Variants in PAPPA observed in about 807,000 individuals in gnomAD.
PAPPA encodes pappalysin 1, also known as pappalysin-1.
A neutral mutation model predicts 164.0 loss-of-function variants in PAPPA; 60 were observed. The observed-to-expected ratio is 0.37, with a 90% confidence interval of 0.30 to 0.45. PAPPA has a LOEUF of 0.45. Among genes scored for constraint, PAPPA ranks in the 20% least tolerant of loss-of-function variants. PAPPA has a pLI of 1.00. For synonymous variants in PAPPA, 875 were observed against 814.1 expected, an observed-to-expected ratio of 1.07 and a Z score of -1.27; for missense variants, 1,782 against 2,087.3, an observed-to-expected ratio of 0.85 and a Z score of 2.85.
intron 10 of PAPPA, among the ~76,000 whole-genome samples, chr9:116,310,734 G>A (rs1845706653): frequency 6.6e-6 from 1 of 152,060 alleles, no homozygotes; most frequent in Non-Finnish European, 1.5e-5. Context: ...CTAGGATTTG[G>A]ACTGAAAAAC....
Position 116,163,829 on chromosome 9 carries a change from G to A in PAPPA, c.415+9242G>A, listed in dbSNP as rs79645806. 4.9e-3 allele frequency among the ~76,000 whole-genome samples: 744 copies of A among 152,178 alleles called. 15 individuals are homozygous for A. The highest frequency in any genetic ancestry group is 7.7e-3 in the East Asian group (40 of 5,162). ...AACTTGGAATGTTACTGCTCCATTG[G>A]TGGATACTCTTTTAGGACTTCCCAG... On this transcript the variant is annotated intron_variant, in intron 1 of 21. Coordinates refer to ENST00000328252, the MANE Select transcript of PAPPA (RefSeq NM_002581.5).
rs538435798 is a variant in PAPPA at position 116,326,974 on chromosome 9, A to G, written c.3148-4270A>G. 2.0e-5 allele frequency among the ~76,000 whole-genome samples: 3 copies of G among 152,308 alleles called. No homozygotes were observed. In the East Asian group the frequency reaches 5.8e-4, roughly 29 times the overall value. ...TGTATATATCACATATTCTTTATCC[A>G]TTCTTCTGTTGATGGACATGTAGGT... On this transcript the variant is annotated intron_variant, in intron 10 of 21. Coordinates refer to ENST00000328252, the MANE Select transcript of PAPPA (RefSeq NM_002581.5).
intron 1 of PAPPA, among the ~76,000 whole-genome samples, chr9:116,172,370 G>A (rs1458845828): frequency 6.6e-6 from 1 of 152,000 alleles, no homozygotes; most frequent in Non-Finnish European, 1.5e-5. Context: ...CTTCCACCAG[G>A]GATGCTAAAC....
At chr9:116,341,030 T>TTTTA (rs370348154) in intron 13 of PAPPA, among the ~76,000 whole-genome samples, 10,696 of 150,986 alleles carry the variant, frequency 0.071, 401 homozygotes, top group Admixed American at 0.11. Context: ...TATTTTTTTG[T>TTTTA]TTTATTTATT....
intron 1 of PAPPA, among the ~76,000 whole-genome samples, chr9:116,175,708 G>A (rs542813355): frequency 9.2e-5 from 14 of 152,074 alleles, no homozygotes; most frequent in Non-Finnish European, 1.6e-4. Context: ...GATACAGGGT[G>A]GTGATACAGG....
intron 9 of PAPPA, among the ~76,000 whole-genome samples, chr9:116,278,653 C>CATTT (rs1845230325): frequency 7.4e-6 from 1 of 135,982 alleles, no homozygotes; most frequent in Non-Finnish European, 1.6e-5. Context: ...GTAGCCAAAT[C>CATTT]GTTTTTTTTT....
At chr9:116,176,458 A>G (rs1435154171) in intron 1 of PAPPA, among the ~76,000 whole-genome samples, 1 of 152,212 alleles carries the variant, frequency 6.6e-6, no homozygotes, top group Non-Finnish European at 1.5e-5. Context: ...ATTAAGCACC[A>G]GCTTTGTTTT....
At chr9:116,336,161 G>GTTGTGAT (rs1401718846) in intron 13 of PAPPA, among the ~76,000 whole-genome samples, 3 of 152,068 alleles carry the variant, frequency 2.0e-5, no homozygotes, top group Admixed American at 2.0e-4. Flanking sequence ...AGAAGAGAGA[G>GTTGTGAT]TTGTGATTTT....
chr9:116,397,605 A>T lies in PAPPA; in HGVS notation c.*989A>T, dbSNP rs568223095. 6.5e-6 allele frequency: 1 copy of T among 152,672 alleles called. No individual in the cohort carries two copies. The highest frequency in any genetic ancestry group is 2.4e-5 in the African/African-American group (1 of 41,554). 9.5% of individuals were successfully genotyped at this position (152,672 alleles called of 1,614,324 possible). A position where few individuals can be genotyped will look rare whatever the true frequency, so the allele number is the denominator to read the frequency against. ...TTTTTAGCCCTTCTGCAAGAGAAAA[A>T]CCCTCATGGGTCCACATGGTGAGAA... On this transcript the variant is annotated 3_prime_UTR_variant, in exon 22 of 22. Transcript: ENST00000328252.
intron 10 of PAPPA, among the ~76,000 whole-genome samples, chr9:116,327,444 A>C (rs889342240): frequency 2.6e-5 from 4 of 152,104 alleles, no homozygotes; most frequent in Non-Finnish European, 5.9e-5. Flanking sequence ...AGCGAAGAAG[A>C]GCTTAGGGGT....
intron 8 of PAPPA, among the ~76,000 whole-genome samples, chr9:116,268,608 A>T (rs934217959): frequency 6.6e-5 from 10 of 152,146 alleles, no homozygotes; most frequent in African/African-American, 2.4e-4. Flanking sequence ...ACAGATATAG[A>T]TGAATTGGTT....
Position 116,302,770 on chromosome 9 carries a change from G to T in PAPPA, c.2967G>T (p.Arg989=). The part of the protein sequence containing the change: ...VSFNCIDEPS[R]CYFHDGDGVC... Reference sequence around the variant, plus strand: ...AATCTTTTGCAGATGAACCCAGCCGGTGCTATTTCCATGATGGTGATGGGG... The same window carrying T: ...AATCTTTTGCAGATGAACCCAGCCGTTGCTATTTCCATGATGGTGATGGGG... The change falls in exon 10 of 22, where the codon CGG becomes CGT. Residue 989 remains arginine (R), a synonymous_variant. Coordinates refer to ENST00000328252, the MANE Select transcript of PAPPA (RefSeq NM_002581.5). The T allele has an allele frequency of 6.2e-7, 1 of 1,611,902 alleles. No individual in the cohort carries two copies. Among genetic ancestry groups the T allele is most frequent in the Non-Finnish European group, 8.5e-7 (1 of 1,178,420 alleles).
chr9:116,220,859 T>C (rs548713651), intron 5 of PAPPA, among the ~76,000 whole-genome samples: 2 of 150,934 alleles, frequency 1.3e-5, no homozygotes, highest in Non-Finnish European at 1.5e-5. Context: ...CATCTCAGCC[T>C]GGGCAACAGA....
At chr9:116,202,875 C>T (rs1452898557) in intron 2 of PAPPA, among the ~76,000 whole-genome samples, 1 of 152,166 alleles carries the variant, frequency 6.6e-6, no homozygotes, top group East Asian at 1.9e-4. Flanking sequence ...TGTCCCAAAT[C>T]CATTTGACTC....
intron 4 of PAPPA, 109 bp downstream of exon 4, chr9:116,212,041 G>A: frequency 1.1e-6 from 1 of 930,930 alleles, no homozygotes; most frequent in East Asian, 2.4e-5. Context: ...AAGGATGGAA[G>A]GCCTAGCTCT....
intron 21 of PAPPA, among the ~76,000 whole-genome samples, chr9:116,395,863 A>C (rs2118737656): frequency 6.6e-6 from 1 of 152,298 alleles, no homozygotes; most frequent in East Asian, 1.9e-4. Flanking sequence ...TTGCCTACTA[A>C]AGTCAAAGTG....
In PAPPA at chr9:116,334,882, G is replaced by C; in HGVS notation, c.3419G>C (p.Arg1140Thr). The C allele has an allele frequency of 6.2e-7, 1 of 1,614,012 alleles. No homozygotes were observed. Among genetic ancestry groups the C allele is most frequent in the East Asian group, 2.2e-5 (1 of 44,840 alleles). The change falls in exon 13 of 22, where the codon AGG (arginine) becomes ACG (threonine). Residue 1140 changes from arginine to threonine, a missense_variant. Transcript: ENST00000328252. Reference protein sequence around the residue: ...HDLGLHVLSCRNNPLIIPVVH... With the variant: ...HDLGLHVLSCTNNPLIIPVVH... ...ACAGGCCTCCATGTCCTGAGCTGCAGGAACAATCCCCTGATTATCCCTGTG... is the reference window on the plus strand; with the variant it reads ...ACAGGCCTCCATGTCCTGAGCTGCACGAACAATCCCCTGATTATCCCTGTG...
chr9:116,212,044 C>A, intron 4 of PAPPA, 112 bp downstream of exon 4: 1 of 876,360 alleles, frequency 1.1e-6, no homozygotes, highest in Non-Finnish European at 1.8e-6. Context: ...GATGGAAGGC[C>A]TAGCTCTGCC....
intron 15 of PAPPA, among the ~76,000 whole-genome samples, chr9:116,348,872 A>G (rs1372144572): frequency 6.6e-6 from 1 of 152,116 alleles, no homozygotes; most frequent in East Asian, 1.9e-4. Flanking sequence ...CATGGTGTAT[A>G]TGTACCACAT....
Sources: allele counts gnomAD v4.1 joint callset (sites outside exome capture counted in the v4.1 genomes callset), GRCh38; gene constraint gnomAD v4.1.1; transcripts MANE v1.5; gene names NCBI Gene and HGNC (gene_info 2026-07-23, HGNC 2026-07-21).